The following CNTNAP2 variants were observed in gnomAD, a reference collection of about 807,000 sequenced individuals.
CNTNAP2 encodes contactin associated protein 2.
A neutral mutation model predicts 155.2 loss-of-function variants in CNTNAP2; 98 were observed. The observed-to-expected ratio is 0.63, with a 90% CI of 0.54 to 0.75. The LOEUF is 0.75. Ranked by LOEUF, CNTNAP2 falls within the 30% of genes least tolerant of loss-of-function variation. The pLI is 0.00. For synonymous variants in CNTNAP2, 651 were observed against 631.2 expected, an observed-to-expected ratio of 1.03 and a Z score of -0.47; for missense variants, 1,727 against 1,688.1, an observed-to-expected ratio of 1.02 and a Z score of -0.40.
chr7:147,220,360 G>T (rs538786671), intron 8 of CNTNAP2, among the ~76,000 whole-genome samples: 2 of 152,150 alleles, frequency 1.3e-5, no homozygotes, highest in Admixed American at 1.3e-4. Context: ...TAATCTACAC[G>T]TGTCTTTATA....
chr7:148,239,798 T>C (rs1796112562), intron 20 of CNTNAP2, among the ~76,000 whole-genome samples: 2 of 152,156 alleles, frequency 1.3e-5, no homozygotes, highest in African/African-American at 4.8e-5. Context: ...GGCCAGCCCG[T>C]ATGCAAGGAC....
At chr7:147,574,725 G>C (rs746491090) in intron 12 of CNTNAP2, among the ~76,000 whole-genome samples, 6 of 151,996 alleles carry the variant, frequency 3.9e-5, no homozygotes, top group Non-Finnish European at 2.9e-5. Context: ...TCAGTATTTG[G>C]TACAAGTGTA....
chr7:147,050,825 G>A (rs1478580649), intron 4 of CNTNAP2, among the ~76,000 whole-genome samples: 2 of 152,140 alleles, frequency 1.3e-5, no homozygotes, highest in Admixed American at 1.3e-4. Context: ...GTGTTAGCAA[G>A]GGTAGTTCCT....
At chr7:147,259,316 T>C (rs1264954584) in intron 8 of CNTNAP2, among the ~76,000 whole-genome samples, 1 of 152,170 alleles carries the variant, frequency 6.6e-6, no homozygotes, top group Non-Finnish European at 1.5e-5. Context: ...TTACTTTTCC[T>C]CCAATTCTGC....
chr7:147,003,878 A>T (rs1285521549), intron 3 of CNTNAP2, among the ~76,000 whole-genome samples: 2 of 151,922 alleles, frequency 1.3e-5, no homozygotes, highest in Admixed American at 1.3e-4. Flanking sequence ...ATAATTTTTT[A>T]AAAATTATCC....
At chr7:147,030,270 C>T (rs768123411) in intron 3 of CNTNAP2, among the ~76,000 whole-genome samples, 4 of 152,142 alleles carry the variant, frequency 2.6e-5, no homozygotes, top group Non-Finnish European at 4.4e-5. Context: ...TTCTTGAACA[C>T]TTCATTCTTT....
At chr7:147,242,823 T>C (rs908201680) in intron 8 of CNTNAP2, among the ~76,000 whole-genome samples, 3 of 151,992 alleles carry the variant, frequency 2.0e-5, no homozygotes, top group African/African-American at 7.3e-5. Flanking sequence ...AAGTTAACAA[T>C]TCTCCTTTCC....
intron 1 of CNTNAP2, among the ~76,000 whole-genome samples, chr7:146,721,889 A>ATATATTTTTTTTTTTTT: frequency 1.4e-5 from 1 of 69,738 alleles, no homozygotes; most frequent in African/African-American, 1.9e-4. Flanking sequence ...ATATATATAT[A>ATATATTTTTTTTTTTTT]TTTTTTTTTT....
At chr7:146,364,934 T>C (rs535456333) in intron 1 of CNTNAP2, among the ~76,000 whole-genome samples, 1 of 152,002 alleles carries the variant, frequency 6.6e-6, no homozygotes, top group Admixed American at 6.5e-5. Flanking sequence ...CTTCCCAATG[T>C]AATCGTTTTT....
intron 4 of CNTNAP2, among the ~76,000 whole-genome samples, chr7:147,048,175 C>T (rs548318548): frequency 1.1e-4 from 17 of 150,022 alleles, no homozygotes; most frequent in Middle Eastern, 3.5e-3. Context: ...CCCGGGTTCA[C>T]GCCATTCTCC....
chr7:147,804,234 A>T (rs1584964232), intron 13 of CNTNAP2, among the ~76,000 whole-genome samples: 1 of 152,200 alleles, frequency 6.6e-6, no homozygotes, highest in East Asian at 1.9e-4. Flanking sequence ...CTGTTTTCAT[A>T]AATTGATAAT....
intron 3 of CNTNAP2, among the ~76,000 whole-genome samples, chr7:146,875,083 A>C (rs1795392575): frequency 6.6e-6 from 1 of 152,210 alleles, no homozygotes; most frequent in Non-Finnish European, 1.5e-5. Context: ...GTAGCGAATA[A>C]CTAAGAATAT....
Position 146,359,752 on chromosome 7 carries a change from C to T in CNTNAP2, c.97+242779C>T, listed in dbSNP as rs1019532125. ...TTAAATTCAAAAGTATCCCAAGTGA[C>T]TTTGTAAAAGGAATTCTATGTGAAT... On this transcript the variant is annotated intron_variant, in intron 1 of 23. Coordinates refer to ENST00000361727, the MANE Select transcript of CNTNAP2 (RefSeq NM_014141.6). Among the ~76,000 whole-genome samples, 11 of 152,028 alleles carry T rather than the reference C, an allele frequency of 7.2e-5. No individual in the cohort carries two copies. In the East Asian group the frequency reaches 1.9e-3, roughly 27 times the overall value.
At chr7:148,083,737 G>A (rs566066755) in intron 15 of CNTNAP2, among the ~76,000 whole-genome samples, 1 of 152,282 alleles carries the variant, frequency 6.6e-6, no homozygotes, top group Non-Finnish European at 1.5e-5. Flanking sequence ...AGTCTCTGGG[G>A]ACGCAGGAGT....
At chr7:147,476,868 C>T (rs539214645) in intron 10 of CNTNAP2, among the ~76,000 whole-genome samples, 4 of 147,804 alleles carry the variant, frequency 2.7e-5, no homozygotes, top group East Asian at 2.0e-4. Context: ...GCGGAGGTTG[C>T]GGTGAGCTGA....
At chr7:146,998,197 C>T (rs1456375241) in intron 3 of CNTNAP2, among the ~76,000 whole-genome samples, 1 of 151,876 alleles carries the variant, frequency 6.6e-6, no homozygotes, top group East Asian at 1.9e-4. Flanking sequence ...TTTAGAACTA[C>T]TTTTGCTATA....
At chr7:147,501,493 G>A (rs12111800) in intron 11 of CNTNAP2, among the ~76,000 whole-genome samples, 48,364 of 152,000 alleles carry the variant, frequency 0.32, 7,925 homozygotes, top group East Asian at 0.43. Flanking sequence ...CTGACTTCAG[G>A]TGGTTTGACT....
chr7:146,343,316 C>T (rs1213531777), intron 1 of CNTNAP2, among the ~76,000 whole-genome samples: 2 of 151,952 alleles, frequency 1.3e-5, no homozygotes, highest in Admixed American at 6.6e-5. Context: ...TGAGGTTTGA[C>T]AAGAGTGACT....
intron 1 of CNTNAP2, among the ~76,000 whole-genome samples, chr7:146,421,091 G>A (rs1200606119): frequency 1.3e-5 from 2 of 151,996 alleles, no homozygotes; most frequent in African/African-American, 4.8e-5. Flanking sequence ...ATGATGTCAA[G>A]AAGAGTACAA....
Sources: gnomAD v4.1 joint callset for allele counts (sites outside exome capture counted in the v4.1 genomes callset) on GRCh38, gnomAD v4.1.1 for gene constraint, MANE v1.5 for transcripts, NCBI Gene and HGNC (gene_info 2026-07-23, HGNC 2026-07-21) for gene names.